Variants in TRAM1 observed in about 807,000 individuals in gnomAD.
TRAM1 encodes the protein translocation associated membrane protein 1.
In TRAM1, 17 loss-of-function variants were observed where a neutral mutation model predicts 48.7. That is an observed-to-expected ratio of 0.35 (90% confidence interval 0.24 to 0.52). The LOEUF (loss-of-function observed/expected upper bound fraction) is 0.52, where lower values mean the gene tolerates loss of function less well. Ranked by LOEUF, TRAM1 falls within the 20% of genes least tolerant of loss-of-function variation. The pLI, the probability that TRAM1 is intolerant of heterozygous loss-of-function variation, is 0.94. For missense variants in TRAM1, 351 were observed against 441.5 expected, an observed-to-expected ratio of 0.79 and a Z score of 1.84; for synonymous variants, 182 against 154.0, an observed-to-expected ratio of 1.18 and a Z score of -1.34.
At chr8:70,604,347 A>T (rs991535367) in intron 1 of TRAM1, among the ~76,000 whole-genome samples, 2 of 152,224 alleles carry the variant, frequency 1.3e-5, no homozygotes, top group African/African-American at 4.8e-5. Flanking sequence ...ACCAGTCACT[A>T]CATGGACTGG....
chr8:70,605,144 C>T (rs1817692589), intron 1 of TRAM1, among the ~76,000 whole-genome samples: 1 of 152,160 alleles, frequency 6.6e-6, no homozygotes, highest in Non-Finnish European at 1.5e-5. Flanking sequence ...GCCCTTCTCT[C>T]ACATAAAAAT....
intron 1 of TRAM1, among the ~76,000 whole-genome samples, chr8:70,602,143 T>G (rs1817618791): frequency 6.6e-6 from 1 of 152,044 alleles, no homozygotes; most frequent in Non-Finnish European, 1.5e-5. Context: ...GTTAATAAAG[T>G]CAAAAGTTTC....
At chr8:70,593,612 A>C (rs997076539) in intron 6 of TRAM1, among the ~76,000 whole-genome samples, 2 of 147,700 alleles carry the variant, frequency 1.4e-5, no homozygotes, top group Admixed American at 1.3e-4. Flanking sequence ...AAAAAAAAAA[A>C]CTCCCAGAAA....
intron 8 of TRAM1, among the ~76,000 whole-genome samples, chr8:70,585,584 A>AAAC (rs994471721): frequency 9.3e-5 from 2 of 21,542 alleles, no homozygotes; most frequent in East Asian, 1.3e-3. Flanking sequence ...TACAAGAAAA[A>AAAC]AACAACCCCA....
chr8:70,604,612 G>C (rs1000224668), intron 1 of TRAM1, among the ~76,000 whole-genome samples: 2 of 151,246 alleles, frequency 1.3e-5, no homozygotes, highest in Non-Finnish European at 2.9e-5. Flanking sequence ...ACTTTGTTCT[G>C]ACCTGAGCAC....
intron 6 of TRAM1, among the ~76,000 whole-genome samples, chr8:70,591,938 G>A (rs923024411): frequency 1.3e-5 from 2 of 152,142 alleles, no homozygotes; most frequent in African/African-American, 2.4e-5. Flanking sequence ...AGTGGTTCTA[G>A]TGATGATGAA....
At chr8:70,595,090 G>A (rs545721208) in intron 5 of TRAM1, among the ~76,000 whole-genome samples, 1 of 149,116 alleles carries the variant, frequency 6.7e-6, no homozygotes, top group African/African-American at 2.5e-5. Flanking sequence ...GTTGGAACAT[G>A]GAGAAAGCCC....
intron 1 of TRAM1, 187 bp downstream of exon 1, chr8:70,607,890 G>A (rs1817785328): frequency 1.4e-5 from 9 of 633,234 alleles, no homozygotes; most frequent in Non-Finnish European, 2.1e-5. Context: ...CTCCGGGCCG[G>A]CCGCCGGGGA....
intron 6 of TRAM1, among the ~76,000 whole-genome samples, chr8:70,589,543 G>A (rs1308554116): frequency 6.6e-6 from 1 of 152,128 alleles, no homozygotes; most frequent in Non-Finnish European, 1.5e-5. Context: ...TTATTTAACT[G>A]TAACTAAAAT....
At chr8:70,586,069 T>C (rs1817210429) in intron 8 of TRAM1, among the ~76,000 whole-genome samples, 1 of 151,190 alleles carries the variant, frequency 6.6e-6, no homozygotes, top group Non-Finnish European at 1.5e-5. Context: ...GTGGCACATA[T>C]ACACCATGGA....
chr8:70,586,879 T>C lies in TRAM1; in HGVS notation c.746+16A>G. 1.2e-6 allele frequency: 2 copies of C among 1,600,356 alleles called. No homozygotes were observed. Among genetic ancestry groups the C allele is most frequent in the South Asian group, 1.1e-5 (1 of 90,718 alleles). ...AATACCTAGTACACGAGAAATAGAATGGCTAAACAACTTACCCTTTCTGAT... is the reference window on the plus strand; with the variant it reads ...AATACCTAGTACACGAGAAATAGAACGGCTAAACAACTTACCCTTTCTGAT... On this transcript the variant is annotated intron_variant, in intron 8 of 10. Coordinates refer to ENST00000262213, the MANE Select transcript of TRAM1 (RefSeq NM_014294.6).
chr8:70,599,507 T>C (rs1817560464), intron 2 of TRAM1, among the ~76,000 whole-genome samples: 1 of 152,198 alleles, frequency 6.6e-6, no homozygotes, highest in South Asian at 2.1e-4. Flanking sequence ...ACCTAATAGT[T>C]TGGATGCTAT....
intron 10 of TRAM1, among the ~76,000 whole-genome samples, chr8:70,578,968 T>C (rs1308843013): frequency 6.6e-6 from 1 of 152,226 alleles, no homozygotes; most frequent in Non-Finnish European, 1.5e-5. Flanking sequence ...ATGAGTACTG[T>C]ATAATATTTT....
chr8:70,584,373 A>T (rs1340705430), intron 8 of TRAM1, among the ~76,000 whole-genome samples: 1 of 152,224 alleles, frequency 6.6e-6, no homozygotes, highest in Admixed American at 6.5e-5. Context: ...TTTTTGGCAC[A>T]AGACAGGGAT....
In TRAM1 at chr8:70,598,019, T is replaced by TA. The variant is rs2091968089; in HGVS notation, c.310-9dup. ...CATTCGCCTGTTAATTTTCTAAAAA[T>TA]AAAAACAGCCATTAGTAATTAAGAA... On this transcript the variant is annotated splice_polypyrimidine_tract_variant and intron_variant, in intron 3 of 10. Coordinates refer to ENST00000262213, the MANE Select transcript of TRAM1 (RefSeq NM_014294.6). 6.4e-7 allele frequency: 1 copy of TA among 1,569,916 alleles called. No homozygotes were observed. Among genetic ancestry groups the TA allele is most frequent in the African/African-American group, 1.4e-5 (1 of 73,714 alleles).
chr8:70,583,867 G>A (rs886184790), intron 8 of TRAM1, 74 bp from the exon 9 acceptor site: 8 of 1,478,950 alleles, frequency 5.4e-6, no homozygotes, highest in East Asian at 4.9e-5. Context: ...AGATTCCTAA[G>A]TTGGGCGTGG....
chr8:70,582,232 G>C (rs1817090956), intron 10 of TRAM1, among the ~76,000 whole-genome samples: 1 of 151,632 alleles, frequency 6.6e-6, no homozygotes, highest in Non-Finnish European at 1.5e-5. Context: ...CTACAGATTT[G>C]ATGTTATTTC....
rs199613496 is a variant in TRAM1, at chr8:70,608,101, G to A, written c.99C>T (p.Val33=). 210 of 1,598,372 alleles carry A rather than the reference G, an allele frequency of 1.3e-4. 2 individuals are homozygous for A. The East Asian group carries it at 4.3e-3, about 33-fold the overall frequency. Residue 33 remains valine, a synonymous_variant, in exon 1 of 11, where the codon GTC becomes GTT. Coordinates refer to ENST00000262213, the MANE Select transcript of TRAM1 (RefSeq NM_014294.6). The stretch of plus-strand genomic sequence containing the variant: ...CCTCAAACATGAGCCCCAGCAGGAA[G>A]ACCATCGCCACACAGGAGACGATGT... ...HADIVSCVAM[V]FLLGLMFEIT...
chr8:70,598,851 C>A (rs1475130189), intron 2 of TRAM1, among the ~76,000 whole-genome samples: 2 of 152,156 alleles, frequency 1.3e-5, no homozygotes, highest in African/African-American at 4.8e-5. Flanking sequence ...GGAACATATA[C>A]ATAAAAGAGC....
Sources: allele counts gnomAD v4.1 joint callset (sites outside exome capture counted in the v4.1 genomes callset), GRCh38; gene constraint gnomAD v4.1.1; transcripts MANE v1.5; gene names NCBI Gene and HGNC (gene_info 2026-07-23, HGNC 2026-07-21).